Variants in DAB1 observed in about 807,000 individuals in gnomAD.
The protein encoded by DAB1 is disabled homolog 1.
DAB1 carries 15 observed loss-of-function variants against 64.6 expected under a neutral mutation model. The observed-to-expected ratio is 0.23, with a 90% CI of 0.16 to 0.36. The LOEUF (loss-of-function observed/expected upper bound fraction) is 0.36. Among genes scored for constraint, DAB1 ranks in the 10% least tolerant of loss-of-function variants. The pLI, the probability that DAB1 is intolerant of heterozygous loss-of-function variation, is 1.00. For synonymous variants in DAB1, 235 were observed against 251.9 expected (o/e 0.93, Z 0.64); for missense variants, 596 against 706.7 (o/e 0.84, Z 1.78).
At chr1:57,311,179 C>A (rs1275263969) in intron 1 of DAB1, among the ~76,000 whole-genome samples, 3 of 152,100 alleles carry the variant, frequency 2.0e-5, no homozygotes, top group African/African-American at 4.8e-5. Flanking sequence ...GGCAACACGG[C>A]CTTATAATGG....
At chr1:58,357,222 T>C (rs1411226296) in intron 3 of DAB1, among the ~76,000 whole-genome samples, 1 of 151,808 alleles carries the variant, frequency 6.6e-6, no homozygotes, top group African/African-American at 2.4e-5. Flanking sequence ...AAATGATGAG[T>C]GGCTTGGGCT....
chr1:57,134,426 A>T (rs990207411), intron 4 of DAB1, among the ~76,000 whole-genome samples: 2 of 151,426 alleles, frequency 1.3e-5, no homozygotes, highest in African/African-American at 4.9e-5. Context: ...TCTCTATTAA[A>T]ATACAAAAAA....
At chr1:58,065,197 A>G (rs1279324945) in intron 5 of DAB1, among the ~76,000 whole-genome samples, 1 of 152,176 alleles carries the variant, frequency 6.6e-6, no homozygotes, top group East Asian at 1.9e-4. Flanking sequence ...AGTTTCCAGG[A>G]TTTAAAAGCT....
intron 1 of DAB1, among the ~76,000 whole-genome samples, chr1:57,321,038 A>G (rs992490613): frequency 7.9e-5 from 12 of 152,322 alleles, no homozygotes; most frequent in Middle Eastern, 3.4e-3. Flanking sequence ...AACCAAATGC[A>G]TTAATTTTAC....
At chr1:57,315,932 T>A (rs891959400) in intron 1 of DAB1, among the ~76,000 whole-genome samples, 23 of 152,364 alleles carry the variant, frequency 1.5e-4, no homozygotes, top group African/African-American at 5.0e-4. Context: ...ACCCTATTTA[T>A]TAAGTGTCTA....
intron 6 of DAB1, among the ~76,000 whole-genome samples, chr1:57,665,197 G>T (rs939068561): frequency 1.3e-5 from 2 of 152,076 alleles, no homozygotes; most frequent in East Asian, 3.9e-4. Context: ...ATGAATAAAA[G>T]ATATAAATAA....
At chr1:57,775,206 C>T (rs1046572247) in intron 6 of DAB1, among the ~76,000 whole-genome samples, 21 of 150,972 alleles carry the variant, frequency 1.4e-4, no homozygotes, top group Admixed American at 1.4e-3. Flanking sequence ...TGACCTTTTC[C>T]AAGAACCAAT....
At chr1:57,052,370 G>A (rs758625302) in intron 9 of DAB1, among the ~76,000 whole-genome samples, 2 of 152,068 alleles carry the variant, frequency 1.3e-5, no homozygotes, top group African/African-American at 2.4e-5. Flanking sequence ...CCTTTTCAGG[G>A]CACACCAGAT....
chr1:58,223,711 A>C (rs1352535425), intron 4 of DAB1, among the ~76,000 whole-genome samples: 1 of 152,180 alleles, frequency 6.6e-6, no homozygotes, highest in African/African-American at 2.4e-5. Context: ...AGGAGATTAA[A>C]TGGCCTTACA....
At chr1:58,132,229 G>C (rs893297207) in intron 5 of DAB1, among the ~76,000 whole-genome samples, 11 of 152,062 alleles carry the variant, frequency 7.2e-5, no homozygotes, top group Admixed American at 3.3e-4. Context: ...TTCCAGGTGC[G>C]GTCCGTCAGC....
At chr1:57,476,465 T>G (rs10889047) in intron 7 of DAB1, among the ~76,000 whole-genome samples, 47,143 of 151,934 alleles carry the variant, frequency 0.31, 8,607 homozygotes, top group Non-Finnish European at 0.43. Flanking sequence ...ATTAATAAAT[T>G]TATTATAACA....
intron 4 of DAB1, among the ~76,000 whole-genome samples, chr1:58,272,661 AG>A (rs1313101439): frequency 6.8e-6 from 1 of 146,578 alleles, no homozygotes; most frequent in African/African-American, 2.5e-5. Flanking sequence ...TGGGAGTCTA[AG>A]TCTCTTTGTA....
rs553654486 is a variant in DAB1 at position 57,429,202 on chromosome 1, C to T, written n.626-138036G>A. ...GTGCTAGGAGTGTGAGGTGATCTCT[C>T]GTTATGGTTTTCATTGCATTTCCTT... On this transcript the variant is annotated intron_variant and non_coding_transcript_variant, in intron 7 of 20. Coordinates refer to the DAB1 transcript ENST00000485760. 1.8e-4 allele frequency among the ~76,000 whole-genome samples: 27 copies of T among 152,234 alleles called. 1 individual carries two copies. The South Asian group carries it at 5.4e-3, about 30-fold the overall frequency.
chr1:57,269,239 GAGT>G (rs1183604593), intron 2 of DAB1, among the ~76,000 whole-genome samples: 2 of 152,140 alleles, frequency 1.3e-5, no homozygotes, highest in Non-Finnish European at 2.9e-5. Flanking sequence ...CAGCAAAATA[GAGT>G]TCCAGCTCCC....
intron 7 of DAB1, among the ~76,000 whole-genome samples, chr1:57,439,432 T>C (rs2781320): frequency 0.16 from 20,654 of 129,142 alleles, 2,560 homozygotes; most frequent in Non-Finnish European, 0.23. Context: ...TTTCTTTTTT[T>C]TTTTTTTTTT....
intron 1 of DAB1, among the ~76,000 whole-genome samples, chr1:57,293,372 C>T (rs1334049714): frequency 6.6e-6 from 1 of 152,146 alleles, no homozygotes; most frequent in Non-Finnish European, 1.5e-5. Flanking sequence ...TTACAAGCCA[C>T]ATGATTTGAG....
chr1:58,265,083 T>C (rs995274652), intron 4 of DAB1, among the ~76,000 whole-genome samples: 15 of 152,112 alleles, frequency 9.9e-5, no homozygotes, highest in African/African-American at 1.7e-4. Flanking sequence ...GAGGAAGTGA[T>C]AGAAGAAACA....
intron 7 of DAB1, among the ~76,000 whole-genome samples, chr1:57,561,959 C>T (rs116289388): frequency 9.8e-4 from 149 of 152,318 alleles, no homozygotes; most frequent in African/African-American, 3.3e-3. Flanking sequence ...ATGGGTTTGC[C>T]GATCCCACAT....
chr1:57,227,493 G>T (rs879871049), intron 2 of DAB1, among the ~76,000 whole-genome samples: 12 of 151,372 alleles, frequency 7.9e-5, no homozygotes, highest in Non-Finnish European at 1.3e-4. Flanking sequence ...ACTAGGGAAA[G>T]AAGTGGAGGC....
Sources: allele counts gnomAD v4.1 joint callset (sites outside exome capture counted in the v4.1 genomes callset), GRCh38; gene constraint gnomAD v4.1.1; transcripts MANE v1.5; gene names NCBI Gene and HGNC (gene_info 2026-07-23, HGNC 2026-07-21).